Variants in SNX30 observed in about 807,000 individuals in gnomAD.
The protein encoded by SNX30 is sorting nexin family member 30.
SNX30 carries 24 observed loss-of-function variants against 46.4 expected under a neutral mutation model. The ratio of observed to expected loss-of-function variants is 0.52; its 90% CI spans 0.37 to 0.73. The LOEUF is 0.73. Ranked by LOEUF, SNX30 falls within the 30% of genes least tolerant of loss-of-function variation. SNX30 has a pLI of 0.00. For synonymous variants in SNX30, 189 were observed against 211.5 expected, an observed-to-expected ratio of 0.89 and a Z score of 0.92; for missense variants, 533 against 555.7, an observed-to-expected ratio of 0.96 and a Z score of 0.41.
chr9:112,754,207 C>T (rs1412165563), intron 1 of SNX30, among the ~76,000 whole-genome samples: 1 of 152,068 alleles, frequency 6.6e-6, no homozygotes, highest in Non-Finnish European at 1.5e-5. Context: ...GTGTCTTGGT[C>T]CAGCTGACGC....
At chr9:112,841,599 G>A (rs569013385) in intron 6 of SNX30, among the ~76,000 whole-genome samples, 48 of 152,216 alleles carry the variant, frequency 3.2e-4, no homozygotes, top group African/African-American at 1.2e-3. Flanking sequence ...TAAGAAACAG[G>A]GCCACTGCTC....
chr9:112,850,620 C>T (rs111958196), intron 6 of SNX30, among the ~76,000 whole-genome samples: 17 of 152,316 alleles, frequency 1.1e-4, no homozygotes, highest in African/African-American at 4.1e-4. Context: ...TTCCTTTCAG[C>T]GTCAGGTTTT....
At chr9:112,796,852 C>T (rs148891003) in intron 1 of SNX30, among the ~76,000 whole-genome samples, 129 of 152,208 alleles carry the variant, frequency 8.5e-4, no homozygotes, top group South Asian at 1.7e-3. Context: ...TCAGCTAGAG[C>T]TCATGGATGT....
At chr9:112,858,282 A>G (rs943738021) in intron 7 of SNX30, among the ~76,000 whole-genome samples, 21 of 152,232 alleles carry the variant, frequency 1.4e-4, no homozygotes, top group African/African-American at 5.1e-4. Context: ...TGGGAGGCCA[A>G]GACAGGAAGA....
chr9:112,778,270 CTTTTTT>C (rs1001151120), intron 1 of SNX30, among the ~76,000 whole-genome samples: 1 of 123,352 alleles, frequency 8.1e-6, no homozygotes, highest in Non-Finnish European at 1.7e-5. Context: ...GGCCATATTC[CTTTTTT>C]TTTTTTTTTT....
At chr9:112,856,562 T>C (rs944076165) in intron 7 of SNX30, 2 of 151,862 alleles carry the variant, frequency 1.3e-5, no homozygotes, top group African/African-American at 4.9e-5. Flanking sequence ...CCCCCTCTGG[T>C]TGAGAGAAGA....
At chr9:112,855,986 G>T (rs576157133) in intron 7 of SNX30, among the ~76,000 whole-genome samples, 1 of 152,136 alleles carries the variant, frequency 6.6e-6, no homozygotes, top group African/African-American at 2.4e-5. Flanking sequence ...GGGAGCATCC[G>T]CACCTTCGAA....
downstream of SNX30, among the ~76,000 whole-genome samples, chr9:112,884,737 A>G (rs1841623355): frequency 6.6e-6 from 1 of 152,226 alleles, no homozygotes; most frequent in African/African-American, 2.4e-5. Flanking sequence ...TCAGTTGCTT[A>G]CTTGTATCTT....
At chr9:112,781,813 T>G (rs1839850871) in intron 1 of SNX30, among the ~76,000 whole-genome samples, 1 of 151,036 alleles carries the variant, frequency 6.6e-6, no homozygotes, top group East Asian at 1.9e-4. Context: ...TTTTTTTTTT[T>G]GTATATTTAG....
intron 2 of SNX30, among the ~76,000 whole-genome samples, chr9:112,812,786 T>G (rs1230010057): frequency 6.6e-6 from 1 of 152,216 alleles, no homozygotes; most frequent in Admixed American, 6.5e-5. Context: ...TCTAAATTTT[T>G]TAATATCCAG....
At chr9:112,865,277 C>T (rs1841305866) in intron 8 of SNX30, among the ~76,000 whole-genome samples, 1 of 151,872 alleles carries the variant, frequency 6.6e-6, no homozygotes, top group African/African-American at 2.4e-5. Flanking sequence ...TGACTCTTAT[C>T]AGGCTACAGC....
intron 7 of SNX30, among the ~76,000 whole-genome samples, chr9:112,858,578 A>G (rs762237322): frequency 1.3e-5 from 2 of 152,246 alleles, no homozygotes; most frequent in Non-Finnish European, 2.9e-5. Flanking sequence ...ATTGATAGTT[A>G]CAAAGACACT....
At chr9:112,783,437 G>A (rs142134792) in intron 1 of SNX30, among the ~76,000 whole-genome samples, 16 of 152,368 alleles carry the variant, frequency 1.1e-4, no homozygotes, top group South Asian at 1.0e-3. Context: ...CTGGCAGAGA[G>A]TGTGAACTTA....
intron 8 of SNX30, among the ~76,000 whole-genome samples, chr9:112,865,820 C>T (rs2131510470): frequency 6.6e-6 from 1 of 151,088 alleles, no homozygotes; most frequent in East Asian, 2.0e-4. Context: ...CTCTGTTACC[C>T]AGGTTGGAGT....
At chr9:112,837,959 T>C (rs1444784671) in intron 5 of SNX30, among the ~76,000 whole-genome samples, 1 of 144,036 alleles carries the variant, frequency 6.9e-6, no homozygotes, top group Non-Finnish European at 1.5e-5. Context: ...GGAGTGATCT[T>C]GGCTCACTGC....
At chr9:112,816,257 G>T (rs771694490) in intron 2 of SNX30, among the ~76,000 whole-genome samples, 8 of 152,214 alleles carry the variant, frequency 5.3e-5, no homozygotes, top group Non-Finnish European at 1.0e-4. Context: ...TACTCCGCCT[G>T]TGCGGGTGGT....
intron 5 of SNX30, among the ~76,000 whole-genome samples, chr9:112,881,048 T>A (rs947715076): frequency 3.3e-5 from 5 of 152,218 alleles, no homozygotes; most frequent in Non-Finnish European, 7.3e-5. Context: ...GCAAGCAGAA[T>A]TAGCTGCCTC....
At chr9:112,764,246 T>C (rs1839494303) in intron 1 of SNX30, among the ~76,000 whole-genome samples, 1 of 152,226 alleles carries the variant, frequency 6.6e-6, no homozygotes, top group Non-Finnish European at 1.5e-5. Flanking sequence ...TGTCAAGTGA[T>C]GCACGCACAG....
chr9:112,777,637 G>A (rs1839770352), intron 1 of SNX30, among the ~76,000 whole-genome samples: 1 of 105,564 alleles, frequency 9.5e-6, no homozygotes, highest in African/African-American at 3.8e-5. Context: ...TTGTGGAGAT[G>A]GGTCTCACTA....
Sources: gnomAD v4.1 joint callset for allele counts (sites outside exome capture counted in the v4.1 genomes callset) on GRCh38, gnomAD v4.1.1 for gene constraint, MANE v1.5 for transcripts, NCBI Gene and HGNC (gene_info 2026-07-23, HGNC 2026-07-21) for gene names.